Variants in ASMTL observed in about 807,000 individuals in gnomAD.
ASMTL encodes acetylserotonin O-methyltransferase like, also known as probable bifunctional dTTP/UTP pyrophosphatase/methyltransferase protein.
ASMTL carries 57 observed loss-of-function variants against 60.3 expected under a neutral mutation model. That is an observed-to-expected ratio of 0.95 (90% CI 0.76 to 1.18). The LOEUF (loss-of-function observed/expected upper bound fraction) is 1.18, where lower values mean the gene tolerates loss of function less well. Among genes scored for constraint, ASMTL ranks in the 50% most tolerant of loss-of-function variants. The pLI is 0.00. For missense variants in ASMTL, 981 were observed against 852.6 expected, an observed-to-expected ratio of 1.15 and a Z score of -1.88; for synonymous variants, 419 against 373.0, an observed-to-expected ratio of 1.12 and a Z score of -1.42.
intron 1 of ASMTL, among the ~76,000 whole-genome samples, chrX:1,445,001 C>A (rs1381240431): frequency 6.6e-6 from 1 of 152,106 alleles, no homozygotes; most frequent in Non-Finnish European, 1.5e-5. Context: ...TCCCTCTTCT[C>A]TCTCTCTCTC....
chrX:1,425,057 CATCT>C (rs1368015165), intron 8 of ASMTL, among the ~76,000 whole-genome samples: 15 of 149,250 alleles, frequency 1.0e-4, no homozygotes, highest in African/African-American at 1.5e-4. Flanking sequence ...TCCATCCATC[CATCT>C]ATCCATCCAT....
At chrX:1,411,881 C>T (rs1334182411) in intron 12 of ASMTL, among the ~76,000 whole-genome samples, 9 of 133,720 alleles carry the variant, frequency 6.7e-5, no homozygotes, top group Admixed American at 2.6e-4. Context: ...GGCGCAGTCT[C>T]GGCTCACTGC....
At chrX:1,427,179 G>T (rs1214775261) in intron 7 of ASMTL, among the ~76,000 whole-genome samples, 1 of 151,980 alleles carries the variant, frequency 6.6e-6, no homozygotes, top group African/African-American at 2.4e-5. Flanking sequence ...GCAGAGACTG[G>T]AGTGATACGG....
chrX:1,439,804 C>G, intron 2 of ASMTL, among the ~76,000 whole-genome samples: 1 of 149,178 alleles, frequency 6.7e-6, no homozygotes, highest in Middle Eastern at 3.4e-3. Flanking sequence ...CACCTGCACT[C>G]CAGCCTGGGT....
rs373101662 is a variant in ASMTL at position 1,425,565 on chromosome X, G to C, written c.1020C>G (p.Asp340Glu). The C allele has an allele frequency of 6.2e-6, 10 of 1,613,390 alleles. No individual in the cohort carries two copies. The highest frequency in any genetic ancestry group is 1.7e-4 in the Middle Eastern group (1 of 5,952). ...CCAGGAGCCCCATGGCAGCACAGATGTCCAGAAGCCTCTCCATTCCACACG... is the reference window on the plus strand; with the variant it reads ...CCAGGAGCCCCATGGCAGCACAGATCTCCAGAAGCCTCTCCATTCCACACG... ...ASACGMERLL[D>E]ICAAMGLLEK... is the part of the protein sequence containing the mutation. The change falls in exon 8 of 13, where the codon GAC (aspartate) becomes GAG (glutamate). Residue 340 changes from aspartate (D) to glutamate (E), a missense_variant. Coordinates refer to ENST00000381317, the MANE Select transcript of ASMTL (RefSeq NM_004192.4).
In ASMTL at chrX:1,415,573, T is replaced by C. The variant is rs368354422; in HGVS notation, c.1522+2400A>G. On this transcript the variant is annotated intron_variant, in intron 11 of 12. Transcript: ENST00000381317. ...CTCCGCCTCCCAGGTTCAAGCGATT[T>C]TCCTGCCTCAGCCTCCTGAGTAGCT... is the stretch of plus-strand genomic sequence containing the variant. 5.6e-3 allele frequency among the ~76,000 whole-genome samples: 854 copies of C among 151,518 alleles called. 9 individuals carry two copies. The highest frequency in any genetic ancestry group is 0.019 in the African/African-American group (783 of 41,268).
At chrX:1,449,346 C>G (rs2091298609) in intron 1 of ASMTL, among the ~76,000 whole-genome samples, 1 of 151,894 alleles carries the variant, frequency 6.6e-6, no homozygotes, top group Non-Finnish European at 1.5e-5. Context: ...CTTCAGGGCA[C>G]CAGTCACCAA....
At position 1,427,782 on chromosome X, in the gene ASMTL, C is replaced by G; in HGVS notation, c.849G>C (p.Pro283=). The G allele has an allele frequency of 1.2e-6, 2 of 1,612,946 alleles. No homozygotes were observed. Among genetic ancestry groups the G allele is most frequent in the Non-Finnish European group, 1.7e-6 (2 of 1,179,654 alleles). ...TCAGCTCCAGGAGGCGTGTCGGGAA[C>G]GGAGGCAGGGTCTCCCGAGTCCTGT... ...ECHRTRETLP[P]FPTRLLELIE... Residue 283 remains proline, a synonymous_variant, in exon 7 of 13, where the codon CCG becomes CCC. Coordinates refer to ENST00000381317, the MANE Select transcript of ASMTL (RefSeq NM_004192.4).
At chrX:1,442,108 A>G in intron 2 of ASMTL, 78 bp downstream of exon 2, 2 of 1,521,452 alleles carry the variant, frequency 1.3e-6, no homozygotes, top group Non-Finnish European at 1.8e-6. Flanking sequence ...TATTTGTGTC[A>G]TGTATATTTA....
upstream of ASMTL, chrX:1,452,967 C>T (rs2091433784): frequency 2.9e-6 from 2 of 694,944 alleles, no homozygotes; most frequent in South Asian, 2.0e-5. Flanking sequence ...CGCCCGCCTC[C>T]GCGAGGCCAC....
Position 1,432,372 on chromosome X carries a change from G to A in ASMTL, c.406C>T (p.Gln136Ter). ...AIVHCSSKDHQLDTRVSEFYE... is the reference protein window; with the variant it reads ...AIVHCSSKDH ...AATTCCGAGACCCTGGTGTCCAGCT[G>A]ATGGTCTGCAAGGACACAGCCGTGG... Residue 136 changes from glutamine (Q) to a stop codon, truncating the protein, a stop_gained, in exon 6 of 13, where the codon CAG (glutamine) becomes TAG (stop). Coordinates refer to ENST00000381317, the MANE Select transcript of ASMTL (RefSeq NM_004192.4). LOFTEE classifies it high-confidence loss of function. The A allele has an allele frequency of 6.2e-7, 1 of 1,612,292 alleles. No homozygotes were observed. The highest frequency in any genetic ancestry group is 8.5e-7 in the Non-Finnish European group (1 of 1,179,260).
chrX:1,434,816 A>G (rs1875455438), intron 5 of ASMTL, among the ~76,000 whole-genome samples: 1 of 151,586 alleles, frequency 6.6e-6, no homozygotes, highest in Non-Finnish European at 1.5e-5. Context: ...AAAAAGAAAG[A>G]AAAAGAAAAA....
At chrX:1,427,507 CAG>C (rs2090643449) in intron 7 of ASMTL, among the ~76,000 whole-genome samples, 1 of 151,238 alleles carries the variant, frequency 6.6e-6, no homozygotes, top group African/African-American at 2.4e-5. Flanking sequence ...GAGGACGTGG[CAG>C]AGACTGGAGT....
intron 11 of ASMTL, among the ~76,000 whole-genome samples, chrX:1,414,942 ATT>A (rs5901174): frequency 0.93 from 140,714 of 151,338 alleles, 66,022 homozygotes; most frequent in East Asian, 1. Context: ...CTCTTTTTTT[ATT>A]TTTTTATTTT....
Position 1,432,310 on chromosome X carries a change from G to A in ASMTL, c.468C>T (p.Ser156=), listed in dbSNP as rs1247613185. The A allele has an allele frequency of 1.2e-6, 2 of 1,612,708 alleles. No individual in the cohort carries two copies. The highest frequency in any genetic ancestry group is 1.7e-5 in the Admixed American group (1 of 59,866). Residue 156 remains serine (S), a synonymous_variant, in exon 6 of 13, where the codon TCC becomes TCT. Transcript: ENST00000381317. ...EETKVKFSEL[S]EELLWEYVHS... is the part of the protein sequence containing the mutation. ...GGACGTATTCCCAGAGCAGCTCCTC[G>A]GACAGCTCCGAGAACTTCACCTTCG...
intron 11 of ASMTL, among the ~76,000 whole-genome samples, chrX:1,415,228 G>A (rs1191965764): frequency 4.8e-4 from 2 of 4,166 alleles, no homozygotes; most frequent in African/African-American, 5.7e-4. Context: ...GGCGTCTCCT[G>A]TCAATCCGTC....
At chrX:1,411,812 T>TC (rs1323140995) in intron 12 of ASMTL, among the ~76,000 whole-genome samples, 1 of 104,058 alleles carries the variant, frequency 9.6e-6, no homozygotes, top group Admixed American at 1.1e-4. Flanking sequence ...TTTTCTTTTT[T>TC]TTTTTTTTTT....
intron 11 of ASMTL, 198 bp from the exon 12 acceptor site, chrX:1,413,052 C>G: frequency 1.6e-6 from 1 of 626,470 alleles, no homozygotes; most frequent in East Asian, 2.7e-5. Context: ...TGATGTCACG[C>G]CCGTGCGGTT....
chrX:1,441,377 C>T (rs753041577), intron 2 of ASMTL, among the ~76,000 whole-genome samples: 1 of 152,164 alleles, frequency 6.6e-6, no homozygotes, highest in Non-Finnish European at 1.5e-5. Context: ...CCCAGGTTCA[C>T]GCAATTCTCC....
Sources: gnomAD v4.1 joint callset for allele counts (sites outside exome capture counted in the v4.1 genomes callset) on GRCh38, gnomAD v4.1.1 for gene constraint, MANE v1.5 for transcripts, NCBI Gene and HGNC (gene_info 2026-07-23, HGNC 2026-07-21) for gene names.